DUSP3: variants seen among roughly 807,000 people sequenced by gnomAD.
DUSP3 encodes dual specificity protein phosphatase 3.
DUSP3 carries 7 observed loss-of-function variants against 15.5 expected under a neutral mutation model. The observed-to-expected ratio is 0.45, with a 90% confidence interval of 0.26 to 0.85. The LOEUF is 0.85. Ranked by LOEUF, DUSP3 falls within the 40% of genes least tolerant of loss-of-function variation. DUSP3 has a pLI of 0.18. For synonymous variants in DUSP3, 86 were observed against 104.2 expected, an observed-to-expected ratio of 0.83 and a Z score of 1.07; for missense variants, 209 against 251.7, an observed-to-expected ratio of 0.83 and a Z score of 1.15.
intron 2 of DUSP3, among the ~76,000 whole-genome samples, chr17:43,770,047 T>C (rs60085355): frequency 0.24 from 37,180 of 152,018 alleles, 5,125 homozygotes; most frequent in African/African-American, 0.37. Context: ...ACAACCACTT[T>C]GGAAAGCTGT....
chr17:43,772,010 CAAAAAAAAAAA>C (rs1190299771), intron 2 of DUSP3, among the ~76,000 whole-genome samples: 1 of 64,208 alleles, frequency 1.6e-5, no homozygotes, highest in African/African-American at 4.4e-5. Context: ...GACTCCGTCT[CAAAAAAAAAAA>C]AAAAAAAAGG....
In DUSP3 at chr17:43,777,025, T is replaced by G. The variant is rs1320472007; in HGVS notation, c.125+1775A>C. On this transcript the variant is annotated intron_variant, in intron 1 of 2. Transcript: ENST00000226004. ...TTTCGCTCTTGTTGCCCAGTTGGAG[T>G]GCAACGGTACGATCTTGGCTCACTG... Among the ~76,000 whole-genome samples the G allele has an allele frequency of 2.0e-5, 3 of 152,154 alleles. No individual in the cohort carries two copies. In the South Asian group the frequency reaches 6.2e-4, roughly 32 times the overall value.
intron 1 of DUSP3, among the ~76,000 whole-genome samples, chr17:43,776,828 G>T (rs1293429345): frequency 6.6e-6 from 1 of 152,220 alleles, no homozygotes; most frequent in Non-Finnish European, 1.5e-5. Flanking sequence ...GAGGAAGGGT[G>T]TCTCTAGAGC....
rs757681147 is a variant in DUSP3, at chr17:43,778,785, G to A, written c.125+15C>T. ...CGAGAGGGACGGCGGGGCCGGGCTC[G>A]CGAAAGGGACTCACGCGTTGCCCAC... On this transcript the variant is annotated intron_variant, in intron 1 of 2. Coordinates refer to ENST00000226004, the MANE Select transcript of DUSP3 (RefSeq NM_004090.4). 5.9e-5 allele frequency: 89 copies of A among 1,517,838 alleles called. No homozygotes were observed. The highest frequency in any genetic ancestry group is 6.6e-5 in the Non-Finnish European group (75 of 1,133,244). 94.0% of individuals were successfully genotyped at this position (1,517,838 alleles called of 1,614,324 possible).
chr17:43,771,880 C>T (rs1470037180), intron 2 of DUSP3, among the ~76,000 whole-genome samples: 1 of 152,080 alleles, frequency 6.6e-6, no homozygotes, highest in Non-Finnish European at 1.5e-5. Flanking sequence ...CATGGTGGCA[C>T]ATGCCTGTAA....
chr17:43,774,111 TAAA>T (rs556992898), intron 2 of DUSP3: 4,924 of 64,242 alleles, frequency 0.077, 172 homozygotes, highest in African/African-American at 0.23. Context: ...AAACTCCATC[TAAA>T]AAAAAAAAAA....
chr17:43,770,650 A>C, intron 2 of DUSP3, among the ~76,000 whole-genome samples: 1 of 149,288 alleles, frequency 6.7e-6, no homozygotes, highest in Admixed American at 6.6e-5. Flanking sequence ...ACAGAGCGAG[A>C]CTCTGTCTCA....
rs774205168 is a variant in DUSP3, at chr17:43,774,947, G to A, written c.126-9C>T. The A allele has an allele frequency of 8.1e-6, 13 of 1,613,954 alleles. No individual in the cohort carries two copies. The East Asian group carries it at 1.1e-4, about 14-fold the overall frequency. On this transcript the variant is annotated splice_polypyrimidine_tract_variant and intron_variant, in intron 1 of 2. Transcript: ENST00000226004. ...TGTCCTGAGCCACAGACCTGGACAG[G>A]AGACAGTGGTGGGGATGATTAACCA...
In DUSP3 at chr17:43,766,557, C is replaced by T. The variant is rs1046905162; in HGVS notation, c.*3052G>A. 1 of 151,320 alleles carries T rather than the reference C, an allele frequency of 6.6e-6. No homozygotes were observed. Among genetic ancestry groups the T allele is most frequent in the African/African-American group, 2.4e-5 (1 of 40,906 alleles). 9.4% of individuals were successfully genotyped at this position (151,320 alleles called of 1,614,324 possible). A position where few individuals can be genotyped will look rare whatever the true frequency, so the allele number is the denominator to read the frequency against. On this transcript the variant is annotated 3_prime_UTR_variant, in exon 3 of 3. Coordinates refer to ENST00000226004, the MANE Select transcript of DUSP3 (RefSeq NM_004090.4). ...TAACTTGTGGCACAAAAGGCACCAA[C>T]ATTCCCTTTCCAAACCATCCATCAC...
chr17:43,776,561 C>T (rs1448042504), intron 1 of DUSP3, among the ~76,000 whole-genome samples: 1 of 152,236 alleles, frequency 6.6e-6, no homozygotes, highest in East Asian at 1.9e-4. Context: ...GGAATGGAGC[C>T]CAAATCCTCT....
chr17:43,769,429 T>C lies in DUSP3; in HGVS notation c.*180A>G. 1 of 649,722 alleles carries C rather than the reference T, an allele frequency of 1.5e-6. No individual in the cohort carries two copies. The highest frequency in any genetic ancestry group is 2.5e-6 in the Non-Finnish European group (1 of 400,706). The allele number at this position is 649,722 out of a possible 1,614,324, so 40.2% of individuals were successfully genotyped here. On this transcript the variant is annotated 3_prime_UTR_variant, in exon 3 of 3. Coordinates refer to ENST00000226004, the MANE Select transcript of DUSP3 (RefSeq NM_004090.4). ...AGCAAGGACGCCCCCCTTGGCAAGCTTCTTTATGTGCTCCCCAGGGTGGGG... is the reference window on the plus strand; with the variant it reads ...AGCAAGGACGCCCCCCTTGGCAAGCCTCTTTATGTGCTCCCCAGGGTGGGG...
chr17:43,774,572 G>C, intron 2 of DUSP3, 140 bp downstream of exon 2: 1 of 927,162 alleles, frequency 1.1e-6, no homozygotes, highest in Non-Finnish European at 1.7e-6. Flanking sequence ...TGAGCAGAGA[G>C]AGACCTACAG....
At chr17:43,774,566 CAGAG>C in intron 2 of DUSP3, 142 bp downstream of exon 2, 5 of 885,482 alleles carry the variant, frequency 5.6e-6, no homozygotes, top group Non-Finnish European at 8.8e-6. Context: ...GCCAGGTGAG[CAGAG>C]AGAGACCTAC....
rs751086372 is a variant in DUSP3 at position 43,769,850 on chromosome 17, C to T, written c.353-36G>A. 1.4e-5 allele frequency: 23 copies of T among 1,607,080 alleles called. No homozygotes were observed. In the Admixed American group the frequency reaches 2.7e-4, roughly 19 times the overall value. ...CAGGGGAGACGTGGTGAGCTGGGGG[C>T]GTCCCATCACACCATGGCGTTGGTC... On this transcript the variant is annotated intron_variant, in intron 2 of 2. Coordinates refer to ENST00000226004, the MANE Select transcript of DUSP3 (RefSeq NM_004090.4).
rs1040534389 is a variant in DUSP3, at chr17:43,769,152, T to A, written c.*457A>T. On this transcript the variant is annotated 3_prime_UTR_variant, in exon 3 of 3. Transcript: ENST00000226004. The stretch of plus-strand genomic sequence containing the variant: ...GTGGGGACAGTGCAGGGCACAGACG[T>A]GGTGGGGAGAGTGGCCTGCATTTGC... 7 of 177,146 alleles carry A rather than the reference T, an allele frequency of 4.0e-5. No homozygotes were observed. Among genetic ancestry groups the A allele is most frequent in the Admixed American group, 2.5e-4 (4 of 16,148 alleles). 11.0% of individuals were successfully genotyped at this position (177,146 alleles called of 1,614,324 possible). A position where few individuals can be genotyped will look rare whatever the true frequency, so the allele number is the denominator to read the frequency against.
chr17:43,770,986 A>G (rs1974310471), intron 2 of DUSP3, among the ~76,000 whole-genome samples: 1 of 63,326 alleles, frequency 1.6e-5, no homozygotes, highest in African/African-American at 5.1e-5. Context: ...GTGCGTGTAT[A>G]TATATGTGTG....
chr17:43,775,913 C>T (rs1298759279), intron 1 of DUSP3, among the ~76,000 whole-genome samples: 1 of 152,090 alleles, frequency 6.6e-6, no homozygotes, highest in Non-Finnish European at 1.5e-5. Context: ...GAGTTCGGGA[C>T]CAGCCTGGCC....
At chr17:43,774,111 TAAAAA>T (rs556992898) in intron 2 of DUSP3, 81 of 64,786 alleles carry the variant, frequency 1.3e-3, no homozygotes, top group South Asian at 2.3e-3. Context: ...AAACTCCATC[TAAAAA>T]AAAAAAAAAA....
rs1974269003 is a variant in DUSP3, at chr17:43,768,518, G to C, written c.*1091C>G. On this transcript the variant is annotated 3_prime_UTR_variant, in exon 3 of 3. Coordinates refer to ENST00000226004, the MANE Select transcript of DUSP3 (RefSeq NM_004090.4). ...GATCCCGTGCTGGCACCAGAGAGCTGTAAGAGCCACCTGCAATGGGCAGGG... is the reference window on the plus strand; with the variant it reads ...GATCCCGTGCTGGCACCAGAGAGCTCTAAGAGCCACCTGCAATGGGCAGGG... 1 of 152,212 alleles carries C rather than the reference G, an allele frequency of 6.6e-6. No homozygotes were observed. Among genetic ancestry groups the C allele is most frequent in the African/African-American group, 2.4e-5 (1 of 41,432 alleles). 9.4% of individuals were successfully genotyped at this position (152,212 alleles called of 1,614,324 possible).
Sources: allele counts gnomAD v4.1 joint callset (sites outside exome capture counted in the v4.1 genomes callset), GRCh38; gene constraint gnomAD v4.1.1; transcripts MANE v1.5; gene names NCBI Gene and HGNC (gene_info 2026-07-23, HGNC 2026-07-21).